The following SESTD1 variants were observed in gnomAD, a reference collection of about 807,000 sequenced individuals.
SESTD1 encodes SEC14 and spectrin domain containing 1.
Under a neutral mutation model 101.7 loss-of-function variants are expected in SESTD1, and 43 were observed. The observed-to-expected ratio is 0.42, with a 90% confidence interval of 0.33 to 0.55. The LOEUF is 0.55. Among genes scored for constraint, SESTD1 ranks in the 20% least tolerant of loss-of-function variants. SESTD1 has a pLI of 0.07. For missense variants in SESTD1, 647 were observed against 815.1 expected, an observed-to-expected ratio of 0.79 and a Z score of 2.51; for synonymous variants, 283 against 286.8, an observed-to-expected ratio of 0.99 and a Z score of 0.13.
chr2:179,185,881 A>G lies in SESTD1; in HGVS notation c.56-2693T>C, dbSNP rs187047699. 7.9e-4 allele frequency among the ~76,000 whole-genome samples: 108 copies of G among 136,360 alleles called. 1 individual carries two copies. Among genetic ancestry groups the G allele is most frequent in the South Asian group, 5.5e-3 (25 of 4,542 alleles). The allele number at this position is 136,360 out of a possible 152,430, so 89.5% of individuals were successfully genotyped here. Reference sequence around the variant, plus strand: ...TAGTATGTTATATACAATATATAATATAGCATATACAATATAGTATATTAT... The same window carrying G: ...TAGTATGTTATATACAATATATAATGTAGCATATACAATATAGTATATTAT... On this transcript the variant is annotated intron_variant, in intron 2 of 17. Coordinates refer to ENST00000428443, the MANE Select transcript of SESTD1 (RefSeq NM_178123.5).
intron 1 of SESTD1, among the ~76,000 whole-genome samples, chr2:179,232,425 A>G (rs2047001020): frequency 6.6e-6 from 1 of 152,116 alleles, no homozygotes; most frequent in Admixed American, 6.5e-5. Flanking sequence ...ATCACATCAT[A>G]AATCAAAATC....
chr2:179,171,345 C>G (rs2045927143), intron 5 of SESTD1, among the ~76,000 whole-genome samples: 1 of 152,132 alleles, frequency 6.6e-6, no homozygotes, highest in African/African-American at 2.4e-5. Flanking sequence ...AACCTTTTCT[C>G]CATACCAAAA....
At chr2:179,219,167 A>G (rs1405676016) in intron 1 of SESTD1, among the ~76,000 whole-genome samples, 2 of 152,186 alleles carry the variant, frequency 1.3e-5, no homozygotes, top group South Asian at 2.1e-4. Flanking sequence ...GGGTGCCATC[A>G]ATGAGCTGCC....
intron 5 of SESTD1, among the ~76,000 whole-genome samples, chr2:179,161,508 A>G (rs1397353270): frequency 6.6e-6 from 1 of 152,084 alleles, no homozygotes; most frequent in African/African-American, 2.4e-5. Flanking sequence ...TAAAAATGCA[A>G]AAATGTGCTG....
chr2:179,262,108 C>T (rs1429134709), intron 1 of SESTD1, among the ~76,000 whole-genome samples: 1 of 152,078 alleles, frequency 6.6e-6, no homozygotes, highest in East Asian at 1.9e-4. Flanking sequence ...AAGTGAAAGA[C>T]ACTAAAGGCC....
Position 179,208,661 on chromosome 2 carries a change from A to T in SESTD1, c.-25-16795T>A, listed in dbSNP as rs138504744. Among the ~76,000 whole-genome samples, 345 of 135,134 alleles carry T rather than the reference A, an allele frequency of 2.6e-3. 32 individuals carry two copies. In the East Asian group the frequency reaches 0.038, roughly 15 times the overall value. The allele number at this position is 135,134 out of a possible 152,430, so 88.7% of individuals were successfully genotyped here. A position where few individuals can be genotyped will look rare whatever the true frequency, so the allele number is the denominator to read the frequency against. ...GAAGGAGAGATAAAGTATTTTTTAG[A>T]CAAACAAATGTTGAATTTGCCAATA... On this transcript the variant is annotated intron_variant, in intron 1 of 17. Transcript: ENST00000428443.
At chr2:179,150,265 T>C (rs1159405910) in intron 6 of SESTD1, among the ~76,000 whole-genome samples, 1 of 152,068 alleles carries the variant, frequency 6.6e-6, no homozygotes, top group Admixed American at 6.6e-5. Flanking sequence ...CATTCAGAGA[T>C]AACCAAAAGT....
At chr2:179,197,028 G>A (rs1413479790) in intron 1 of SESTD1, among the ~76,000 whole-genome samples, 1 of 152,098 alleles carries the variant, frequency 6.6e-6, no homozygotes, top group Non-Finnish European at 1.5e-5. Context: ...GGGAGGACAT[G>A]CAAACCAAAG....
intron 16 of SESTD1, 139 bp from the exon 17 acceptor site, chr2:179,112,984 T>TCC: frequency 8.7e-7 from 1 of 1,147,984 alleles, no homozygotes; most frequent in East Asian, 2.6e-5. Flanking sequence ...TTTGGTAGAT[T>TCC]AAAGGCATTT....
chr2:179,120,115 G>C (rs569803186), intron 13 of SESTD1, among the ~76,000 whole-genome samples: 1 of 152,068 alleles, frequency 6.6e-6, no homozygotes, highest in Admixed American at 6.5e-5. Context: ...TATAGTCCCA[G>C]CTACTCGGAA....
intron 1 of SESTD1, among the ~76,000 whole-genome samples, chr2:179,233,599 G>A (rs2047016689): frequency 3.3e-5 from 5 of 152,056 alleles, no homozygotes; most frequent in Admixed American, 1.3e-4. Flanking sequence ...GGTTAGAGGC[G>A]CATACCACAG....
intron 1 of SESTD1, among the ~76,000 whole-genome samples, chr2:179,243,384 C>T (rs542935445): frequency 1.5e-4 from 23 of 152,260 alleles, no homozygotes; most frequent in African/African-American, 3.4e-4. Flanking sequence ...GACTACCATT[C>T]GACCCAGCAA....
At chr2:179,223,646 A>C (rs2046844156) in intron 1 of SESTD1, among the ~76,000 whole-genome samples, 1 of 152,208 alleles carries the variant, frequency 6.6e-6, no homozygotes. Context: ...ATCAGAACAT[A>C]TTGCCATGAG....
Position 179,152,828 on chromosome 2 carries a change from T to C in SESTD1, c.370-1437A>G, listed in dbSNP as rs1004668440. Among the ~76,000 whole-genome samples, 3 of 151,952 alleles carry C rather than the reference T, an allele frequency of 2.0e-5. No homozygotes were observed. In the East Asian group the frequency reaches 5.8e-4, roughly 29 times the overall value. On this transcript the variant is annotated intron_variant, in intron 5 of 17. Transcript: ENST00000428443. The stretch of plus-strand genomic sequence containing the variant: ...ATTTATATGAGGAAACAAAGCCTAG[T>C]GAATAATGAGCTAAGTGACCCATCT...
At chr2:179,149,166 G>T in intron 7 of SESTD1, 131 bp downstream of exon 7, 1 of 438,026 alleles carries the variant, frequency 2.3e-6, no homozygotes. Context: ...CACGAATATT[G>T]TACGTCAATT....
chr2:179,173,307 T>C (rs552382048), intron 4 of SESTD1, among the ~76,000 whole-genome samples: 4 of 152,318 alleles, frequency 2.6e-5, no homozygotes, highest in African/African-American at 9.6e-5. Context: ...TTTTTCTTCA[T>C]AGCATTTATC....
chr2:179,146,303 C>T, intron 8 of SESTD1, 99 bp downstream of exon 8: 3 of 1,153,706 alleles, frequency 2.6e-6, no homozygotes, highest in South Asian at 2.7e-5. Flanking sequence ...GAGTTCCTTC[C>T]ACATGTACCA....
intron 9 of SESTD1, among the ~76,000 whole-genome samples, chr2:179,142,705 G>A (rs1306105386): frequency 6.6e-6 from 1 of 152,122 alleles, no homozygotes; most frequent in Non-Finnish European, 1.5e-5. Context: ...ATACATTCTG[G>A]GAGGACAATC....
chr2:179,131,222 T>C (rs1575430939), intron 10 of SESTD1, among the ~76,000 whole-genome samples: 2 of 149,048 alleles, frequency 1.3e-5, no homozygotes, highest in Admixed American at 1.3e-4. Context: ...AAGAAAGCAA[T>C]ATGAGGAAAC....
Sources: allele counts gnomAD v4.1 joint callset (sites outside exome capture counted in the v4.1 genomes callset), GRCh38; gene constraint gnomAD v4.1.1; transcripts MANE v1.5; gene names NCBI Gene and HGNC (gene_info 2026-07-23, HGNC 2026-07-21).